The following TAFA1 variants were observed in gnomAD, a reference collection of about 807,000 sequenced individuals.
TAFA1 encodes chemokine-like protein TAFA-1.
Under a neutral mutation model 18.5 loss-of-function variants are expected in TAFA1, and 4 were observed. That is an observed-to-expected ratio of 0.22 (90% CI 0.11 to 0.49). The LOEUF is 0.49. Among genes scored for constraint, TAFA1 ranks in the 20% least tolerant of loss-of-function variants. The pLI is 0.98. For synonymous variants in TAFA1, 56 were observed against 55.2 expected (o/e 1.01, Z -0.06); for missense variants, 147 against 169.0 (o/e 0.87, Z 0.72).
intron 2 of TAFA1, among the ~76,000 whole-genome samples, chr3:68,087,457 T>A (rs1194717773): frequency 6.6e-6 from 1 of 152,158 alleles, no homozygotes; most frequent in Non-Finnish European, 1.5e-5. Context: ...TATTTATAAC[T>A]ACCACCTACA....
the TAFA1 span, among the ~76,000 whole-genome samples, chr3:67,995,978 T>C: frequency 2.0e-5 from 3 of 152,196 alleles, no homozygotes; most frequent in African/African-American, 7.2e-5. Flanking sequence ...GTTCTATAAA[T>C]ATTGATTAGG....
intron 2 of TAFA1, among the ~76,000 whole-genome samples, chr3:68,172,294 A>G (rs1026779339): frequency 1.3e-5 from 2 of 152,152 alleles, no homozygotes; most frequent in Admixed American, 1.3e-4. Flanking sequence ...GCATGTGAAA[A>G]ATGCTCAATA....
At chr3:68,480,716 G>T (rs997957200) in intron 3 of TAFA1, among the ~76,000 whole-genome samples, 8 of 152,170 alleles carry the variant, frequency 5.3e-5, no homozygotes. Context: ...AGCAAATAAT[G>T]AAAGCGTAAG....
intron 2 of TAFA1, among the ~76,000 whole-genome samples, chr3:68,178,606 T>A (rs2066156399): frequency 6.6e-6 from 1 of 152,138 alleles, no homozygotes; most frequent in Non-Finnish European, 1.5e-5. Flanking sequence ...TCAGGAAAGA[T>A]ACTCCAGGCT....
At chr3:68,044,322 G>A (rs1705225282) in intron 2 of TAFA1, among the ~76,000 whole-genome samples, 1 of 152,114 alleles carries the variant, frequency 6.6e-6, no homozygotes, top group Non-Finnish European at 1.5e-5. Context: ...TTTATGGTTT[G>A]TCACTGAAAC....
intron 2 of TAFA1, among the ~76,000 whole-genome samples, chr3:68,188,516 T>TAG (rs1269197389): frequency 8.8e-5 from 13 of 147,106 alleles, no homozygotes; most frequent in African/African-American, 3.2e-4. Flanking sequence ...TTTATATATA[T>TAG]ATATATAGAG....
chr3:68,035,308 A>T (rs1413574448), intron 2 of TAFA1, among the ~76,000 whole-genome samples: 8 of 152,144 alleles, frequency 5.3e-5, no homozygotes, highest in African/African-American at 1.4e-4. Flanking sequence ...GCTAATAGTC[A>T]TATACTCTGT....
intron 2 of TAFA1, among the ~76,000 whole-genome samples, chr3:68,051,358 T>A (rs569609087): frequency 6.6e-6 from 1 of 152,270 alleles, no homozygotes; most frequent in South Asian, 2.1e-4. Context: ...CTGGCAGAGA[T>A]ATTTACTAGT....
At chr3:68,541,125 A>C (rs1402181811) in intron 4 of TAFA1, among the ~76,000 whole-genome samples, 3 of 152,228 alleles carry the variant, frequency 2.0e-5, no homozygotes, top group Non-Finnish European at 4.4e-5. Context: ...GCCACTCTAC[A>C]GCCATGTGAG....
intron 2 of TAFA1, among the ~76,000 whole-genome samples, chr3:68,400,827 G>C (rs2070472569): frequency 6.6e-6 from 1 of 152,098 alleles, no homozygotes; most frequent in Admixed American, 6.6e-5. Context: ...GACTATGTCG[G>C]GAATGTGCAA....
intron 2 of TAFA1, among the ~76,000 whole-genome samples, chr3:68,412,762 A>T (rs1356912385): frequency 6.6e-6 from 1 of 152,054 alleles, no homozygotes; most frequent in Non-Finnish European, 1.5e-5. Flanking sequence ...ACATTTTCTT[A>T]ATCCAGTCTA....
intron 3 of TAFA1, among the ~76,000 whole-genome samples, chr3:68,472,526 A>T (rs1415078458): frequency 6.6e-6 from 1 of 152,070 alleles, no homozygotes; most frequent in Non-Finnish European, 1.5e-5. Flanking sequence ...ACACACACAC[A>T]CACACACAAA....
intron 2 of TAFA1, among the ~76,000 whole-genome samples, chr3:68,330,397 C>G (rs1341717577): frequency 2.0e-5 from 3 of 152,222 alleles, no homozygotes; most frequent in Admixed American, 6.5e-5. Context: ...GGATTACTTA[C>G]TGTGTGGATT....
chr3:68,085,604 A>C (rs760349450), intron 2 of TAFA1, among the ~76,000 whole-genome samples: 41 of 152,216 alleles, frequency 2.7e-4, no homozygotes, highest in Non-Finnish European at 5.1e-4. Flanking sequence ...TAAGAGACTG[A>C]AGATCAACCT....
At chr3:68,143,373 G>C (rs1302338976) in intron 2 of TAFA1, among the ~76,000 whole-genome samples, 1 of 152,146 alleles carries the variant, frequency 6.6e-6, no homozygotes, top group Non-Finnish European at 1.5e-5. Flanking sequence ...AAGAAATTTA[G>C]TCCCATTACA....
intron 2 of TAFA1, among the ~76,000 whole-genome samples, chr3:68,197,117 C>T (rs1213733140): frequency 1.3e-5 from 2 of 151,586 alleles, no homozygotes; most frequent in African/African-American, 4.8e-5. Context: ...TGCTTTAAAC[C>T]CCAGCAGTAA....
chr3:68,405,009 A>T (rs996427492), intron 2 of TAFA1, among the ~76,000 whole-genome samples: 7 of 152,132 alleles, frequency 4.6e-5, no homozygotes, highest in Non-Finnish European at 8.8e-5. Context: ...ATTGGAAAAA[A>T]ATTCCAATGG....
chr3:68,339,823 G>T (rs546543909), intron 2 of TAFA1, among the ~76,000 whole-genome samples: 8 of 152,246 alleles, frequency 5.3e-5, no homozygotes, highest in Admixed American at 5.2e-4. Flanking sequence ...AAAGAGAGGG[G>T]TGGAGGGGCT....
chr3:68,026,703 C>A (rs1409595231), intron 2 of TAFA1, among the ~76,000 whole-genome samples: 2 of 152,144 alleles, frequency 1.3e-5, no homozygotes, highest in Non-Finnish European at 2.9e-5. Context: ...GATTCAAACC[C>A]AGGCAGTCTC....
Sources: gnomAD v4.1 joint callset for allele counts (sites outside exome capture counted in the v4.1 genomes callset) on GRCh38, gnomAD v4.1.1 for gene constraint, MANE v1.5 for transcripts, NCBI Gene and HGNC (gene_info 2026-07-23, HGNC 2026-07-21) for gene names.